The following ANKDD1B variants were observed in gnomAD, a reference collection of about 807,000 sequenced individuals.
The protein encoded by ANKDD1B is ankyrin repeat and death domain containing 1B.
A neutral mutation model predicts 59.7 loss-of-function variants in ANKDD1B; 57 were observed. The observed-to-expected ratio is 0.95, with a 90% confidence interval of 0.77 to 1.19. The LOEUF is 1.19. ANKDD1B is among the 50% of genes most tolerant of loss of function. ANKDD1B has a pLI of 0.00. For synonymous variants in ANKDD1B, 216 were observed against 239.5 expected, an observed-to-expected ratio of 0.90 and a Z score of 0.91; for missense variants, 602 against 641.9, an observed-to-expected ratio of 0.94 and a Z score of 0.67.
intron 10 of ANKDD1B, among the ~76,000 whole-genome samples, chr5:75,660,310 C>T (rs1775098019): frequency 6.6e-6 from 1 of 152,210 alleles, no homozygotes; most frequent in African/African-American, 2.4e-5. Context: ...ATGAATTTGA[C>T]CACTCTAAGT....
intron 12 of ANKDD1B, among the ~76,000 whole-genome samples, chr5:75,667,932 C>T (rs962885647): frequency 2.6e-5 from 4 of 152,154 alleles, no homozygotes; most frequent in South Asian, 2.1e-4. Flanking sequence ...TCTTAGGATA[C>T]ATTTTCATGT....
At chr5:75,666,200 T>C (rs1775301983) in intron 11 of ANKDD1B, among the ~76,000 whole-genome samples, 1 of 152,160 alleles carries the variant, frequency 6.6e-6, no homozygotes, top group African/African-American at 2.4e-5. Flanking sequence ...GGCATAGTGC[T>C]GTTGGTCTGA....
At chr5:75,625,589 G>T in intron 3 of ANKDD1B, 58 bp from the exon 4 acceptor site, 1 of 1,360,358 alleles carries the variant, frequency 7.4e-7, no homozygotes, top group Non-Finnish European at 1.0e-6. Context: ...TGATGAGGCA[G>T]TATATGGCTG....
Position 75,656,031 on chromosome 5 carries a change from TA to T in ANKDD1B, c.902del (p.Lys301ArgfsTer7), listed in dbSNP as rs1222124268. 6 of 1,451,610 alleles carry T rather than the reference TA, an allele frequency of 4.1e-6. No individual in the cohort carries two copies. The highest frequency in any genetic ancestry group is 3.7e-6 in the Non-Finnish European group (4 of 1,071,728). The allele number at this position is 1,451,610 out of a possible 1,614,324, so 89.9% of individuals were successfully genotyped here. On this transcript the variant is annotated frameshift_variant, in exon 9 of 14. Coordinates refer to ENST00000601380, the MANE Select transcript of ANKDD1B (RefSeq NM_001276713.2). LOFTEE classifies it high-confidence loss of function. ...NVDLHQKVEP[K>X]ESPLHLVVIN... ...GAAATTTTTATTTCTCTCTGCAGCC[TA>T]AGGAGTCCCCTCTTCATTTAGTTGT...
In ANKDD1B at chr5:75,636,310, G is replaced by A. The variant is rs184062011; in HGVS notation, c.798+428G>A. Among the ~76,000 whole-genome samples the A allele has an allele frequency of 7.0e-3, 1,061 of 152,282 alleles. 5 individuals carry two copies. The highest frequency in any genetic ancestry group is 0.011 in the Non-Finnish European group (768 of 68,036). On this transcript the variant is annotated intron_variant, in intron 7 of 13. Transcript: ENST00000601380. ...TCTGGGTCTTGACATTGTAATGAACGTTGGCAGGAGGGATTTTGAGGATGG... is the reference window on the plus strand; with the variant it reads ...TCTGGGTCTTGACATTGTAATGAACATTGGCAGGAGGGATTTTGAGGATGG...
chr5:75,630,096 T>C (rs1774108200), intron 5 of ANKDD1B, among the ~76,000 whole-genome samples: 1 of 152,112 alleles, frequency 6.6e-6, no homozygotes, highest in Non-Finnish European at 1.5e-5. Flanking sequence ...AGCTCCACCA[T>C]CCTCCTGGCT....
chr5:75,646,732 C>T (rs1579958961), intron 7 of ANKDD1B, among the ~76,000 whole-genome samples: 2 of 73,892 alleles, frequency 2.7e-5, no homozygotes, highest in Non-Finnish European at 4.4e-5. Flanking sequence ...ACTTTCTTCA[C>T]AGAATTGGAA....
intron 7 of ANKDD1B, among the ~76,000 whole-genome samples, chr5:75,639,070 G>T (rs1046738937): frequency 1.3e-5 from 2 of 152,182 alleles, no homozygotes; most frequent in African/African-American, 4.8e-5. Context: ...GTATATTAAA[G>T]ACATGAATTG....
At chr5:75,626,321 G>A (rs1159284320) in intron 5 of ANKDD1B, among the ~76,000 whole-genome samples, 2 of 152,134 alleles carry the variant, frequency 1.3e-5, no homozygotes, top group Non-Finnish European at 2.9e-5. Context: ...AAGCTATACA[G>A]TAATGAGCCT....
At position 75,647,351 on chromosome 5, in the gene ANKDD1B, A is replaced by G. The variant is rs920259300; in HGVS notation, c.799-5791A>G. Among the ~76,000 whole-genome samples, 40 of 123,738 alleles carry G rather than the reference A, an allele frequency of 3.2e-4. 8 individuals carry two copies. The highest frequency in any genetic ancestry group is 7.9e-3 in the Middle Eastern group (2 of 252). The allele number at this position is 123,738 out of a possible 152,430, so 81.2% of individuals were successfully genotyped here. Reference sequence around the variant, plus strand: ...GGGAGAAAATTTTCACAACCTACTCATCTGACAAAGGGCTAATATCCAGAA... The same window carrying G: ...GGGAGAAAATTTTCACAACCTACTCGTCTGACAAAGGGCTAATATCCAGAA... On this transcript the variant is annotated intron_variant, in intron 7 of 13. Transcript: ENST00000601380.
At chr5:75,615,788 T>C (rs1317395290) in intron 1 of ANKDD1B, among the ~76,000 whole-genome samples, 1 of 151,968 alleles carries the variant, frequency 6.6e-6, no homozygotes, top group Non-Finnish European at 1.5e-5. Context: ...ATTACCTCTT[T>C]AAAGGCCCTA....
intron 3 of ANKDD1B, among the ~76,000 whole-genome samples, chr5:75,621,908 A>G (rs941867960): frequency 6.6e-6 from 1 of 152,212 alleles, no homozygotes; most frequent in African/African-American, 2.4e-5. Flanking sequence ...TCAGGTGGGA[A>G]ATATAGTAAT....
At chr5:75,612,341 C>CCCCCGCCCTCCGCCCCG (rs1773590634) in intron 1 of ANKDD1B, among the ~76,000 whole-genome samples, 1 of 114,554 alleles carries the variant, frequency 8.7e-6, no homozygotes. Context: ...CTCCGCCCCG[C>CCCCCGCCCTCCGCCCCG]CCCCGCCCTC....
At chr5:75,656,703 G>A (rs1414172187) in intron 9 of ANKDD1B, among the ~76,000 whole-genome samples, 1 of 152,212 alleles carries the variant, frequency 6.6e-6, no homozygotes, top group Non-Finnish European at 1.5e-5. Flanking sequence ...GAATGAGCCT[G>A]CTCTCTGGGG....
intron 7 of ANKDD1B, among the ~76,000 whole-genome samples, chr5:75,640,675 C>T (rs1418356815): frequency 6.6e-6 from 1 of 152,202 alleles, no homozygotes; most frequent in Non-Finnish European, 1.5e-5. Context: ...CTGCTGACAG[C>T]AGGAAGTGAC....
intron 10 of ANKDD1B, among the ~76,000 whole-genome samples, chr5:75,660,679 T>C (rs1579975228): frequency 6.6e-6 from 1 of 152,224 alleles, no homozygotes. Flanking sequence ...GGTACAGTCC[T>C]GTCAGGTGCT....
chr5:75,632,387 A>T (rs1488339599), intron 5 of ANKDD1B, among the ~76,000 whole-genome samples: 1 of 152,198 alleles, frequency 6.6e-6, no homozygotes, highest in Non-Finnish European at 1.5e-5. Flanking sequence ...TGCTGACTTC[A>T]TTCTTAGGCA....
intron 3 of ANKDD1B, among the ~76,000 whole-genome samples, chr5:75,623,994 TAGA>T (rs1203139649): frequency 6.6e-6 from 1 of 152,160 alleles, no homozygotes; most frequent in Non-Finnish European, 1.5e-5. Context: ...ACTTTACAAA[TAGA>T]AGTGTACTGC....
intron 7 of ANKDD1B, among the ~76,000 whole-genome samples, chr5:75,642,203 A>G (rs185227123): frequency 1.1e-3 from 167 of 152,358 alleles, no homozygotes; most frequent in Middle Eastern, 6.8e-3. Flanking sequence ...TTGATGCAAT[A>G]AATAAACACA....
Sources: gnomAD v4.1 joint callset for allele counts (sites outside exome capture counted in the v4.1 genomes callset) on GRCh38, gnomAD v4.1.1 for gene constraint, MANE v1.5 for transcripts, NCBI Gene and HGNC (gene_info 2026-07-23, HGNC 2026-07-21) for gene names.